KIRREL3: variants seen among roughly 807,000 people sequenced by gnomAD.
The protein encoded by KIRREL3 is kin of IRRE-like protein 3.
In KIRREL3, 36 loss-of-function variants were observed where a neutral mutation model predicts 89.7. The ratio of observed to expected loss-of-function variants is 0.40; its 90% CI spans 0.31 to 0.53. The LOEUF (loss-of-function observed/expected upper bound fraction) is 0.53. Ranked by LOEUF, KIRREL3 falls within the 20% of genes least tolerant of loss-of-function variation. The probability of loss-of-function intolerance (pLI) is 0.49; values close to 1 mark genes in which losing one functional copy is unlikely to be tolerated. For synonymous variants in KIRREL3, 445 were observed against 441.4 expected (o/e 1.01, Z -0.10); for missense variants, 864 against 1,056.6 (o/e 0.82, Z 2.53).
rs778492073 is a variant in KIRREL3 at position 126,647,096 on chromosome 11, C to T, written c.56-84184G>A. Among the ~76,000 whole-genome samples the T allele has an allele frequency of 1.3e-4, 20 of 152,170 alleles. No homozygotes were observed. Among genetic ancestry groups the T allele is most frequent in the Non-Finnish European group, 1.9e-4 (13 of 68,036 alleles). On this transcript the variant is annotated intron_variant, in intron 1 of 16. Coordinates refer to ENST00000525144, the MANE Select transcript of KIRREL3 (RefSeq NM_032531.4). This position sits in a 1 kb window ranked among gnomAD's most constrained non-coding sequence, Gnocchi z 4.9. ...TACTCATCTTCCAACCACTGACAAA[C>T]AGGAGGCTCGGCACTTTTCATTTTA...
chr11:126,720,910 A>G (rs1767945840), intron 1 of KIRREL3, among the ~76,000 whole-genome samples: 1 of 152,158 alleles, frequency 6.6e-6, no homozygotes, highest in African/African-American at 2.4e-5. Context: ...GGAGTCATAC[A>G]TTAAAGGGCA....
At chr11:126,975,279 T>TA (rs1949535973) in intron 1 of KIRREL3, among the ~76,000 whole-genome samples, 2 of 152,180 alleles carry the variant, frequency 1.3e-5, no homozygotes, top group South Asian at 4.1e-4. Context: ...CAAACCCCTT[T>TA]ATGTCATCTC....
intron 1 of KIRREL3, among the ~76,000 whole-genome samples, chr11:126,712,305 G>A (rs1476741351): frequency 1.3e-5 from 2 of 151,470 alleles, no homozygotes; most frequent in South Asian, 2.1e-4. Flanking sequence ...ATGCATTTTG[G>A]GGGGCTGGGG....
intron 5 of KIRREL3, among the ~76,000 whole-genome samples, chr11:126,466,905 G>A (rs888527315): frequency 6.6e-6 from 1 of 152,298 alleles, no homozygotes; most frequent in South Asian, 2.1e-4. Context: ...GGGAGCCACC[G>A]CCTCCAAGGC....
chr11:126,497,917 T>C (rs1308596122), intron 4 of KIRREL3, among the ~76,000 whole-genome samples: 3 of 152,182 alleles, frequency 2.0e-5, no homozygotes, highest in Non-Finnish European at 2.9e-5. Context: ...AGCCATGGTC[T>C]CTGATCCCCA....
At chr11:126,774,795 C>A (rs1274165705) in intron 1 of KIRREL3, among the ~76,000 whole-genome samples, 1 of 152,166 alleles carries the variant, frequency 6.6e-6, no homozygotes, top group Admixed American at 6.5e-5. Flanking sequence ...TCTTCTGAAC[C>A]AATTGGATCT....
Position 126,551,723 on chromosome 11 carries a change from C to T in KIRREL3, c.133+11112G>A, listed in dbSNP as rs569904286. ...TGAGTGCAATGGTGTGACCTCGGCT[C>T]ACTGCAACCTCTCCTGGGTTCAAGC... is the stretch of plus-strand genomic sequence containing the variant. On this transcript the variant is annotated intron_variant, in intron 2 of 16. Transcript: ENST00000525144. The surrounding 1 kb of genome is among the most constrained non-coding windows in gnomAD (Gnocchi z 4.9). Among the ~76,000 whole-genome samples the T allele has an allele frequency of 8.6e-5, 13 of 150,340 alleles. No homozygotes were observed. The East Asian group carries it at 2.3e-3, about 27-fold the overall frequency.
chr11:126,971,665 T>C (rs1277577917), intron 1 of KIRREL3, among the ~76,000 whole-genome samples: 2 of 152,158 alleles, frequency 1.3e-5, no homozygotes, highest in Non-Finnish European at 2.9e-5. Context: ...CTATGTAAGA[T>C]ATTATTAGGG....
At position 126,599,482 on chromosome 11, in the gene KIRREL3, G is replaced by A. The variant is rs183888205; in HGVS notation, c.56-36570C>T. Among the ~76,000 whole-genome samples the A allele has an allele frequency of 1.1e-4, 17 of 152,238 alleles. No individual in the cohort carries two copies. The East Asian group carries it at 2.5e-3, about 22-fold the overall frequency. ...GTTTACTCCTCTAGCTCCCCTGTGC[G>A]GGTCTCTGCTTCACCCCCTTTCTCT... On this transcript the variant is annotated intron_variant, in intron 1 of 16. Coordinates refer to ENST00000525144, the MANE Select transcript of KIRREL3 (RefSeq NM_032531.4).
intron 1 of KIRREL3, among the ~76,000 whole-genome samples, chr11:126,800,584 A>G (rs111875360): frequency 3.9e-5 from 6 of 152,316 alleles, no homozygotes; most frequent in African/African-American, 1.4e-4. Flanking sequence ...TAGGATTCTC[A>G]AATATCCTTC....
At position 126,996,691 on chromosome 11, in the gene KIRREL3, C is replaced by T. The variant is rs767510968; in HGVS notation, c.55+3764G>A. On this transcript the variant is annotated intron_variant, in intron 1 of 16. Transcript: ENST00000525144. This position sits in a 1 kb window ranked among gnomAD's most constrained non-coding sequence, Gnocchi z 4.7. ...CTGCTGACAGCCCCTTTTGGTGTTTCCAGCCAGGCAGGAGAGCAAGTGGGC... is the reference window on the plus strand; with the variant it reads ...CTGCTGACAGCCCCTTTTGGTGTTTTCAGCCAGGCAGGAGAGCAAGTGGGC... 6.6e-6 allele frequency among the ~76,000 whole-genome samples: 1 copy of T among 152,186 alleles called. No individual in the cohort carries two copies. Among genetic ancestry groups the T allele is most frequent in the Admixed American group, 6.5e-5 (1 of 15,276 alleles).
rs980984198 is a variant in KIRREL3 at position 126,526,757 on chromosome 11, A to G, written c.134-70T>C. 6 of 1,484,506 alleles carry G rather than the reference A, an allele frequency of 4.0e-6. No homozygotes were observed. Among genetic ancestry groups the G allele is most frequent in the African/African-American group, 1.4e-5 (1 of 71,860 alleles). 92.0% of individuals were successfully genotyped at this position (1,484,506 alleles called of 1,614,324 possible). On this transcript the variant is annotated intron_variant, in intron 2 of 16. Transcript: ENST00000525144. This position sits in a 1 kb window ranked among gnomAD's most constrained non-coding sequence, Gnocchi z 5.7. ...GGGGCGAGAAGGCTCCCCTCCAGCT[A>G]TGGAAGCAGAGCAGGGCTGGCGCAG...
chr11:126,924,181 C>T lies in KIRREL3; in HGVS notation c.55+76274G>A, dbSNP rs1178289089. 1.3e-5 allele frequency among the ~76,000 whole-genome samples: 2 copies of T among 152,196 alleles called. No homozygotes were observed. The highest frequency in any genetic ancestry group is 2.9e-5 in the Non-Finnish European group (2 of 68,042). ...GCTCTTGATCCTGTCCCCTGGGTTC[C>T]TTCCCCCTTTCCCTGGCTCAGGCCA... On this transcript the variant is annotated intron_variant, in intron 1 of 16. Transcript: ENST00000525144. This position sits in a 1 kb window ranked among gnomAD's most constrained non-coding sequence, Gnocchi z 4.7.
chr11:126,889,156 C>T (rs918906449), intron 1 of KIRREL3, among the ~76,000 whole-genome samples: 1 of 152,212 alleles, frequency 6.6e-6, no homozygotes, highest in African/African-American at 2.4e-5. Flanking sequence ...GGACTGCAAA[C>T]ACGTCCATCA....
At chr11:126,657,205 C>T (rs1459172959) in intron 1 of KIRREL3, among the ~76,000 whole-genome samples, 2 of 151,574 alleles carry the variant, frequency 1.3e-5, no homozygotes, top group Admixed American at 1.3e-4. Context: ...ATAGATCATG[C>T]ATAATCTCTC....
chr11:126,631,659 A>T (rs1192052897), intron 1 of KIRREL3, among the ~76,000 whole-genome samples: 1 of 152,256 alleles, frequency 6.6e-6, no homozygotes, highest in African/African-American at 2.4e-5. Flanking sequence ...ATGCTGTCAC[A>T]GCCTTTTCCT....
chr11:126,986,655 G>C (rs1305603783), intron 1 of KIRREL3, among the ~76,000 whole-genome samples: 1 of 152,216 alleles, frequency 6.6e-6, no homozygotes, highest in African/African-American at 2.4e-5. Flanking sequence ...CCAGTTGTGA[G>C]AGGAAGGCAA....
rs143296203 is a variant in KIRREL3, at chr11:126,904,811, T to G, written c.55+95644A>C. Among the ~76,000 whole-genome samples, 121 of 152,324 alleles carry G rather than the reference T, an allele frequency of 7.9e-4. No individual in the cohort carries two copies. Among genetic ancestry groups the G allele is most frequent in the African/African-American group, 2.8e-3 (116 of 41,574 alleles). On this transcript the variant is annotated intron_variant, in intron 1 of 16. Transcript: ENST00000525144. The surrounding 1 kb of genome is among the most constrained non-coding windows in gnomAD (Gnocchi z 4.4). ...AGCATTCTCTTTGCGTCTGTAAGCATCAATGCTATTCCTCAGAGACATTAA... is the reference window on the plus strand; with the variant it reads ...AGCATTCTCTTTGCGTCTGTAAGCAGCAATGCTATTCCTCAGAGACATTAA...
Position 126,687,707 on chromosome 11 carries a change from T to C in KIRREL3, c.56-124795A>G, listed in dbSNP as rs578140250. On this transcript the variant is annotated intron_variant, in intron 1 of 16. Transcript: ENST00000525144. The surrounding 1 kb of genome is among the most constrained non-coding windows in gnomAD (Gnocchi z 4.6). ...CCTACATGCCAGGCATTGTTTTGGA[T>C]GCTGGGGATACAAAGATAAGTGCTC... 2.0e-4 allele frequency among the ~76,000 whole-genome samples: 30 copies of C among 152,368 alleles called. No homozygotes were observed. Among genetic ancestry groups the C allele is most frequent in the African/African-American group, 7.2e-4 (30 of 41,596 alleles).
Sources: allele counts gnomAD v4.1 joint callset (sites outside exome capture counted in the v4.1 genomes callset), GRCh38; gene constraint gnomAD v4.1.1; non-coding constraint Gnocchi (gnomAD v3.1); transcripts MANE v1.5; gene names NCBI Gene and HGNC (gene_info 2026-07-23, HGNC 2026-07-21).